Variants in FHIT observed in about 807,000 individuals in gnomAD.
FHIT encodes fragile histidine triad diadenosine triphosphatase, also known as bis(5'-adenosyl)-triphosphatase.
Under a neutral mutation model 17.9 loss-of-function variants are expected in FHIT, and 19 were observed. The observed-to-expected ratio is 1.06, with a 90% CI of 0.74 to 1.56. The LOEUF (loss-of-function observed/expected upper bound fraction) is 1.56. Ranked by LOEUF, FHIT falls within the 40% of genes most tolerant of loss-of-function variation. The pLI is 0.00. For missense variants in FHIT, 248 were observed against 189.2 expected (o/e 1.31, Z -1.82); for synonymous variants, 81 against 69.7 (o/e 1.16, Z -0.81).
intron 3 of FHIT, among the ~76,000 whole-genome samples, chr3:60,850,046 T>C (rs1056165002): frequency 6.6e-6 from 1 of 152,086 alleles, no homozygotes; most frequent in South Asian, 2.1e-4. Flanking sequence ...GATTCTTGTT[T>C]TTATCTCAAC....
chr3:60,450,165 A>C (rs945229987), intron 5 of FHIT, among the ~76,000 whole-genome samples: 1 of 144,998 alleles, frequency 6.9e-6, no homozygotes, highest in Non-Finnish European at 1.5e-5. Flanking sequence ...ATTGTAAACT[A>C]CTGTAGACTT....
intron 5 of FHIT, among the ~76,000 whole-genome samples, chr3:60,342,128 C>A (rs975354699): frequency 6.6e-6 from 1 of 152,198 alleles, no homozygotes; most frequent in Admixed American, 6.5e-5. Flanking sequence ...AGGTGAACTT[C>A]CCCTGGCTTC....
At chr3:59,773,519 C>T (rs1157170106) in intron 8 of FHIT, among the ~76,000 whole-genome samples, 3 of 152,194 alleles carry the variant, frequency 2.0e-5, no homozygotes, top group Non-Finnish European at 1.5e-5. Flanking sequence ...CCTGCTTAGA[C>T]CTTTTTCCTC....
chr3:60,222,504 G>T (rs554677019), intron 5 of FHIT, among the ~76,000 whole-genome samples: 3 of 152,128 alleles, frequency 2.0e-5, no homozygotes, highest in Non-Finnish European at 4.4e-5. Flanking sequence ...AAAAGTAATG[G>T]CAAAGGCCAG....
At chr3:60,664,297 A>G (rs972806148) in intron 4 of FHIT, among the ~76,000 whole-genome samples, 1 of 152,074 alleles carries the variant, frequency 6.6e-6, no homozygotes, top group Non-Finnish European at 1.5e-5. Context: ...AAAATGTTGA[A>G]CCAACCTTAC....
At position 59,798,919 on chromosome 3, in the gene FHIT, G is replaced by A. The variant is rs530418420; in HGVS notation, c.349-46598C>T. On this transcript the variant is annotated intron_variant, in intron 8 of 9. Transcript: ENST00000492590. ...AGAGTCATCTCAGTTGGCATTGGAC[G>A]TATTTAAAATATGATTGGGAGGGTA... Among the ~76,000 whole-genome samples the A allele has an allele frequency of 8.5e-5, 13 of 152,322 alleles. No homozygotes were observed. In the South Asian group the frequency reaches 1.0e-3, roughly 12 times the overall value.
chr3:60,839,719 G>A (rs1553744566), intron 3 of FHIT, among the ~76,000 whole-genome samples: 3 of 151,980 alleles, frequency 2.0e-5, no homozygotes. Flanking sequence ...TTATTATGCT[G>A]ACCCTCTGCC....
At chr3:60,688,015 A>G (rs1478027857) in intron 4 of FHIT, among the ~76,000 whole-genome samples, 1 of 150,678 alleles carries the variant, frequency 6.6e-6, no homozygotes, top group Non-Finnish European at 1.5e-5. Flanking sequence ...TGTCCATTCT[A>G]TTGTTCTTTC....
chr3:60,077,642 A>G (rs1367102663), intron 5 of FHIT: 4 of 150,888 alleles, frequency 2.7e-5, no homozygotes, highest in Non-Finnish European at 5.9e-5. Context: ...AAAACTGATA[A>G]TATCCCAGAG....
At chr3:59,814,029 T>TA (rs886949067) in intron 8 of FHIT, among the ~76,000 whole-genome samples, 71 of 127,070 alleles carry the variant, frequency 5.6e-4, no homozygotes, top group African/African-American at 2.2e-3. Flanking sequence ...GCCCTCTATG[T>TA]AAAAAAATTT....
chr3:61,207,665 A>T (rs1211215642), intron 1 of FHIT, among the ~76,000 whole-genome samples: 1 of 152,110 alleles, frequency 6.6e-6, no homozygotes, highest in African/African-American at 2.4e-5. Flanking sequence ...CGGTGTTGAT[A>T]TCCCCTTTAT....
intron 8 of FHIT, among the ~76,000 whole-genome samples, chr3:59,759,923 A>G (rs1348106924): frequency 2.6e-5 from 4 of 152,080 alleles, no homozygotes; most frequent in African/African-American, 9.7e-5. Context: ...TACTTAGTAG[A>G]AAAATATGTT....
intron 4 of FHIT, among the ~76,000 whole-genome samples, chr3:60,605,111 CAG>C (rs140136950): frequency 4.4e-4 from 66 of 149,284 alleles, no homozygotes; most frequent in Admixed American, 4.7e-4. Context: ...CACACACACA[CAG>C]AGAGAGAGAG....
At chr3:60,411,317 GA>G (rs1702052607) in intron 5 of FHIT, among the ~76,000 whole-genome samples, 1 of 152,074 alleles carries the variant, frequency 6.6e-6, no homozygotes, top group Non-Finnish European at 1.5e-5. Flanking sequence ...AATTAACAAA[GA>G]AAACAGCATT....
At chr3:61,160,874 G>C (rs1348452535) in intron 2 of FHIT, among the ~76,000 whole-genome samples, 2 of 152,136 alleles carry the variant, frequency 1.3e-5, no homozygotes, top group African/African-American at 4.8e-5. Flanking sequence ...TGAAAGATTG[G>C]TAATCACGCA....
chr3:60,007,662 G>A (rs982707489), intron 7 of FHIT, among the ~76,000 whole-genome samples: 19 of 152,152 alleles, frequency 1.2e-4, no homozygotes, highest in African/African-American at 4.1e-4. Flanking sequence ...TGTGCCATGG[G>A]AGCCTTTAGA....
At chr3:60,093,400 G>C (rs1198882979) in intron 5 of FHIT, among the ~76,000 whole-genome samples, 2 of 152,038 alleles carry the variant, frequency 1.3e-5, no homozygotes, top group Non-Finnish European at 2.9e-5. Flanking sequence ...AAGAATCCTT[G>C]AGATTACACT....
intron 8 of FHIT, among the ~76,000 whole-genome samples, chr3:59,820,359 A>AC (rs547357486): frequency 2.1e-4 from 32 of 152,348 alleles, no homozygotes; most frequent in African/African-American, 7.7e-4. Flanking sequence ...ACAACTTAGT[A>AC]CCAGGTACTA....
intron 3 of FHIT, among the ~76,000 whole-genome samples, chr3:60,916,013 C>G (rs1019717005): frequency 3.9e-5 from 6 of 152,106 alleles, no homozygotes; most frequent in African/African-American, 1.4e-4. Context: ...ATTTCCATGA[C>G]TACAAATAAT....
Sources: allele counts gnomAD v4.1 joint callset (sites outside exome capture counted in the v4.1 genomes callset), GRCh38; gene constraint gnomAD v4.1.1; transcripts MANE v1.5; gene names NCBI Gene and HGNC (gene_info 2026-07-23, HGNC 2026-07-21).